Variants in RGS22 observed in about 807,000 individuals in gnomAD.
RGS22 encodes regulator of G-protein signaling 22.
In RGS22, 148 loss-of-function variants were observed where a neutral mutation model predicts 172.9. That is an observed-to-expected ratio of 0.86 (90% confidence interval 0.75 to 0.98). The LOEUF (loss-of-function observed/expected upper bound fraction) is 0.98. Among genes scored for constraint, RGS22 ranks in the 50% least tolerant of loss-of-function variants. The probability of loss-of-function intolerance (pLI) is 0.00; values close to 1 mark genes in which losing one functional copy is unlikely to be tolerated. For synonymous variants in RGS22, 458 were observed against 480.2 expected (o/e 0.95, Z 0.60); for missense variants, 1,347 against 1,440.8 (o/e 0.93, Z 1.05).
chr8:100,055,692 A>G lies in RGS22; in HGVS notation c.1515-2716T>C, dbSNP rs187875387. 2.5e-3 allele frequency among the ~76,000 whole-genome samples: 384 copies of G among 152,240 alleles called. 3 individuals are homozygous for G. Among genetic ancestry groups the G allele is most frequent in the African/African-American group, 8.7e-3 (361 of 41,558 alleles). ...TCCCATGCTGTTCTCCTGGTAGTGAATAAGTCTTACAGTTCCCCTGCACAA... is the reference window on the plus strand; with the variant it reads ...TCCCATGCTGTTCTCCTGGTAGTGAGTAAGTCTTACAGTTCCCCTGCACAA... On this transcript the variant is annotated intron_variant, in intron 9 of 27. Transcript: ENST00000360863.
At chr8:99,968,491 G>T (rs1810995919) in intron 23 of RGS22, among the ~76,000 whole-genome samples, 1 of 151,922 alleles carries the variant, frequency 6.6e-6, no homozygotes, top group Non-Finnish European at 1.5e-5. Context: ...ATTGACAAAA[G>T]GTTACAGGAA....
intron 23 of RGS22, among the ~76,000 whole-genome samples, chr8:99,967,591 C>T (rs1810884653): frequency 6.6e-6 from 1 of 152,204 alleles, no homozygotes; most frequent in South Asian, 2.1e-4. Context: ...CAGTTCTCCC[C>T]TCACAGTGTT....
At chr8:100,043,077 A>T (rs1325929937) in intron 11 of RGS22, among the ~76,000 whole-genome samples, 1 of 152,182 alleles carries the variant, frequency 6.6e-6, no homozygotes, top group Non-Finnish European at 1.5e-5. Context: ...AATCTTTCTG[A>T]TCTATTGTAC....
chr8:100,020,277 A>G (rs992225558), intron 14 of RGS22, among the ~76,000 whole-genome samples: 2 of 152,182 alleles, frequency 1.3e-5, no homozygotes, highest in Non-Finnish European at 2.9e-5. Flanking sequence ...GCCGCTAGGA[A>G]AAAGAGATAT....
intron 9 of RGS22, among the ~76,000 whole-genome samples, chr8:100,056,325 C>T (rs570254820): frequency 3.9e-5 from 6 of 152,166 alleles, no homozygotes; most frequent in Admixed American, 2.6e-4. Flanking sequence ...CCTGATGATG[C>T]GACAGAAAAG....
chr8:100,099,969 A>G (rs1455072364), intron 2 of RGS22, among the ~76,000 whole-genome samples: 2 of 152,124 alleles, frequency 1.3e-5, no homozygotes, highest in Non-Finnish European at 2.9e-5. Context: ...GTAATTTAAC[A>G]TATTTTGTTT....
intron 6 of RGS22, among the ~76,000 whole-genome samples, chr8:100,069,599 T>C (rs963759845): frequency 1.3e-5 from 2 of 152,166 alleles, no homozygotes; most frequent in Non-Finnish European, 2.9e-5. Context: ...AGGAATAACC[T>C]AGAGAACAGG....
intron 3 of RGS22, among the ~76,000 whole-genome samples, chr8:100,085,560 C>T (rs1457548563): frequency 2.0e-5 from 3 of 152,184 alleles, no homozygotes. Flanking sequence ...GTTCATGAGT[C>T]AGTTGTTCCT....
In RGS22 at chr8:100,063,335, C is replaced by T. The variant is rs1003187261; in HGVS notation, c.1352+81G>A. ...TACATTTTTTAAAATTTACTTTGGGCTTTCTCCCTGTGCTAAATAACCCAA... is the reference window on the plus strand; with the variant it reads ...TACATTTTTTAAAATTTACTTTGGGTTTTCTCCCTGTGCTAAATAACCCAA... On this transcript the variant is annotated intron_variant, in intron 8 of 27. Transcript: ENST00000360863. 2 of 993,762 alleles carry T rather than the reference C, an allele frequency of 2.0e-6. 1 individual carries two copies. 61.6% of individuals were successfully genotyped at this position (993,762 alleles called of 1,614,324 possible). A position where few individuals can be genotyped will look rare whatever the true frequency, so the allele number is the denominator to read the frequency against.
chr8:100,101,443 ATTT>A (rs57644659), intron 2 of RGS22, among the ~76,000 whole-genome samples: 26,621 of 116,830 alleles, frequency 0.23, 2,784 homozygotes, highest in Middle Eastern at 0.34. Context: ...TGCCCAGCTA[ATTT>A]TTTTTTTTTT....
chr8:100,105,940 G>C lies in RGS22; in HGVS notation c.-19C>G. 1 of 1,467,998 alleles carries C rather than the reference G, an allele frequency of 6.8e-7. No individual in the cohort carries two copies. The highest frequency in any genetic ancestry group is 1.5e-5 in the African/African-American group (1 of 67,332). 90.9% of individuals were successfully genotyped at this position (1,467,998 alleles called of 1,614,324 possible). The stretch of plus-strand genomic sequence containing the variant: ...CGGGCATGCCGTCCCCGCTGCCCGC[G>C]CCTGGAGCCCGCGCGGGCCGTCAGG... On this transcript the variant is annotated 5_prime_UTR_variant, in exon 1 of 28. Transcript: ENST00000360863.
At chr8:100,007,404 T>C (rs187287147) in intron 15 of RGS22, among the ~76,000 whole-genome samples, 1 of 152,296 alleles carries the variant, frequency 6.6e-6, no homozygotes, top group Non-Finnish European at 1.5e-5. Flanking sequence ...TATTCAAGCA[T>C]TGAGGCTTAA....
In RGS22 at chr8:100,006,000, G is replaced by A; in HGVS notation, c.2454+17C>T. 1 of 1,604,594 alleles carries A rather than the reference G, an allele frequency of 6.2e-7. No individual in the cohort carries two copies. Among genetic ancestry groups the A allele is most frequent in the South Asian group, 1.1e-5 (1 of 90,270 alleles). ...CAGGATAAAAAGTTTGTTTTTCTAA[G>A]TAGAAAGTTGCCTTACCTCAGCTTT... On this transcript the variant is annotated intron_variant, in intron 16 of 27. Coordinates refer to ENST00000360863, the MANE Select transcript of RGS22 (RefSeq NM_015668.5).
intron 18 of RGS22, among the ~76,000 whole-genome samples, chr8:100,001,202 T>TTATATATATATATACA (rs1554611100): frequency 6.4e-5 from 8 of 124,776 alleles, no homozygotes; most frequent in South Asian, 2.5e-4. Flanking sequence ...TCCCAATTTT[T>TTATATATATATATACA]TATATATATA....
chr8:100,060,906 G>A (rs1025224948), intron 9 of RGS22, among the ~76,000 whole-genome samples: 2 of 152,082 alleles, frequency 1.3e-5, no homozygotes, highest in African/African-American at 2.4e-5. Context: ...CACACTACCC[G>A]AATTCAAACT....
chr8:100,017,676 T>C (rs1320046912), intron 14 of RGS22, among the ~76,000 whole-genome samples: 1 of 152,144 alleles, frequency 6.6e-6, no homozygotes, highest in Non-Finnish European at 1.5e-5. Flanking sequence ...ACAACACACT[T>C]AAAATCTTTA....
At chr8:100,035,115 A>G (rs1032050155) in intron 14 of RGS22, among the ~76,000 whole-genome samples, 2 of 152,220 alleles carry the variant, frequency 1.3e-5, no homozygotes, top group African/African-American at 4.8e-5. Context: ...ATGGGATCTA[A>G]TTAAACTGAA....
In RGS22 at chr8:99,989,909, G is replaced by T. The variant is rs201725656; in HGVS notation, c.3019-2290C>A. On this transcript the variant is annotated intron_variant, in intron 20 of 27. Transcript: ENST00000360863. ...ATAGATAGATAGATAGATAGATATA[G>T]ATAGATAGATAGACAGATAGACAGA... 4.1e-3 allele frequency among the ~76,000 whole-genome samples: 509 copies of T among 125,300 alleles called. 1 individual carries two copies. Among genetic ancestry groups the T allele is most frequent in the South Asian group, 0.013 (49 of 3,886 alleles). 82.2% of individuals were successfully genotyped at this position (125,300 alleles called of 152,430 possible). A position where few individuals can be genotyped will look rare whatever the true frequency, so the allele number is the denominator to read the frequency against.
chr8:100,065,928 C>T (rs1336047291), intron 7 of RGS22, among the ~76,000 whole-genome samples: 2 of 152,110 alleles, frequency 1.3e-5, no homozygotes, highest in African/African-American at 4.8e-5. Flanking sequence ...GCAAGGCTCC[C>T]AGAAGTGGAA....
Sources: gnomAD v4.1 joint callset for allele counts (sites outside exome capture counted in the v4.1 genomes callset) on GRCh38, gnomAD v4.1.1 for gene constraint, MANE v1.5 for transcripts, NCBI Gene and HGNC (gene_info 2026-07-23, HGNC 2026-07-21) for gene names.